The following CADM3 variants were observed in gnomAD, a reference collection of about 807,000 sequenced individuals.
The protein encoded by CADM3 is TSLC1-like 1.
In CADM3, 11 loss-of-function variants were observed where a neutral mutation model predicts 44.9. The observed-to-expected ratio is 0.25, with a 90% confidence interval of 0.15 to 0.41. The LOEUF (loss-of-function observed/expected upper bound fraction) is 0.41. Among genes scored for constraint, CADM3 ranks in the 10% least tolerant of loss-of-function variants. The pLI is 1.00. For synonymous variants in CADM3, 207 were observed against 205.2 expected, an observed-to-expected ratio of 1.01 and a Z score of -0.08; for missense variants, 426 against 512.0, an observed-to-expected ratio of 0.83 and a Z score of 1.62.
Position 159,193,482 on chromosome 1 carries a change from G to A in CADM3, c.442G>A (p.Ala148Thr). 1.2e-6 allele frequency: 2 copies of A among 1,613,248 alleles called. No individual in the cohort carries two copies. Among genetic ancestry groups the A allele is most frequent in the Non-Finnish European group, 1.7e-6 (2 of 1,179,320 alleles). The change falls in exon 4 of 9, where the codon GCC (alanine) becomes ACC (threonine). Residue 148 changes from alanine to threonine, a missense_variant. Transcript: ENST00000368125. ...ATCTTCATTACGGGAAAAAGACACA[G>A]CCACCCTAAACTGTCAGTCTTCTGG... ...YKSSLREKDTATLNCQSSGSK... is the reference protein window; with the variant it reads ...YKSSLREKDTTTLNCQSSGSK...
chr1:159,187,845 G>C (rs1005570324), intron 1 of CADM3, among the ~76,000 whole-genome samples: 1 of 152,088 alleles, frequency 6.6e-6, no homozygotes, highest in Non-Finnish European at 1.5e-5. Flanking sequence ...CATGTGCACA[G>C]AAGGTAGTAG....
chr1:159,186,647 A>G (rs780609037), intron 1 of CADM3, among the ~76,000 whole-genome samples: 1 of 152,202 alleles, frequency 6.6e-6, no homozygotes, highest in Non-Finnish European at 1.5e-5. Flanking sequence ...TAGCATTATA[A>G]TCACTCATCC....
rs1309736786 is a variant in CADM3 at position 159,171,859 on chromosome 1, T to G, written c.88+6T>G. On this transcript the variant is annotated splice_donor_region_variant and intron_variant, in intron 1 of 8. Coordinates refer to ENST00000368125, the MANE Select transcript of CADM3 (RefSeq NM_001127173.3). ...GGCCAACCTCTCCCAGGACGGTGAG[T>G]GAGGGAGGGGGCGGCGCCTGGGGAG... 1 of 1,238,654 alleles carries G rather than the reference T, an allele frequency of 8.1e-7. No homozygotes were observed. The highest frequency in any genetic ancestry group is 1.6e-5 in the African/African-American group (1 of 64,258). 76.7% of individuals were successfully genotyped at this position (1,238,654 alleles called of 1,614,324 possible). A position where few individuals can be genotyped will look rare whatever the true frequency, so the allele number is the denominator to read the frequency against.
intron 1 of CADM3, among the ~76,000 whole-genome samples, chr1:159,177,219 A>T (rs2102093391): frequency 6.6e-6 from 1 of 152,210 alleles, no homozygotes; most frequent in Admixed American, 6.5e-5. Flanking sequence ...TGACAAACTG[A>T]GTCTGGTGGT....
intron 1 of CADM3, among the ~76,000 whole-genome samples, chr1:159,174,350 G>A (rs1418371962): frequency 6.6e-6 from 1 of 152,164 alleles, no homozygotes; most frequent in African/African-American, 2.4e-5. Context: ...ACACAATCAT[G>A]GACATGTGTT....
intron 1 of CADM3, among the ~76,000 whole-genome samples, chr1:159,190,716 G>T (rs1349088682): frequency 6.6e-6 from 1 of 152,216 alleles, no homozygotes; most frequent in African/African-American, 2.4e-5. Context: ...CTTGGAAATG[G>T]AATTCCAGTA....
At chr1:159,185,083 A>G (rs1270601222) in intron 1 of CADM3, among the ~76,000 whole-genome samples, 1 of 152,218 alleles carries the variant, frequency 6.6e-6, no homozygotes, top group African/African-American at 2.4e-5. Context: ...GAGTGCTATG[A>G]AAACACAAGG....
intron 2 of CADM3, among the ~76,000 whole-genome samples, 157 bp downstream of exon 2, chr1:159,192,233 A>G (rs1649696447): frequency 1.3e-5 from 2 of 152,176 alleles, no homozygotes; most frequent in Non-Finnish European, 2.9e-5. Flanking sequence ...AACTGGTTCC[A>G]GTATTGCAGC....
chr1:159,181,716 C>A (rs1649235276), intron 1 of CADM3, among the ~76,000 whole-genome samples: 1 of 152,162 alleles, frequency 6.6e-6, no homozygotes, highest in Admixed American at 6.5e-5. Context: ...TACAGAGGGG[C>A]TTGTTTTGGT....
In CADM3 at chr1:159,201,949, A is replaced by G. The variant is rs915978660; in HGVS notation, c.*1027A>G. The G allele has an allele frequency of 6.5e-6, 1 of 153,104 alleles. No homozygotes were observed. The highest frequency in any genetic ancestry group is 2.4e-5 in the African/African-American group (1 of 41,434). The allele number at this position is 153,104 out of a possible 1,614,324, so 9.5% of individuals were successfully genotyped here. ...TTCCTGGTCCCAACGCCAGCCCTTC[A>G]TCCTTCCTCCCTCAGCAGCCAGGCA... On this transcript the variant is annotated 3_prime_UTR_variant, in exon 9 of 9. Coordinates refer to ENST00000368125, the MANE Select transcript of CADM3 (RefSeq NM_001127173.3).
chr1:159,198,298 G>A (rs1649994739), intron 7 of CADM3: 1 of 152,298 alleles, frequency 6.6e-6, no homozygotes, highest in South Asian at 2.1e-4. Flanking sequence ...TTTGGCCATG[G>A]AAACCTGTGC....
intron 1 of CADM3, among the ~76,000 whole-genome samples, chr1:159,174,559 C>G (rs905730912): frequency 6.6e-6 from 1 of 152,178 alleles, no homozygotes; most frequent in African/African-American, 2.4e-5. Flanking sequence ...GGAAAACAAA[C>G]TTAATGTGCT....
intron 1 of CADM3, among the ~76,000 whole-genome samples, chr1:159,179,105 A>C (rs1649133920): frequency 6.6e-6 from 1 of 152,168 alleles, no homozygotes; most frequent in African/African-American, 2.4e-5. Flanking sequence ...CCATCTACTC[A>C]TCTTCCTAAG....
In CADM3 at chr1:159,201,132, G is replaced by A. The variant is rs1650181021; in HGVS notation, c.*210G>A. 1 of 308,274 alleles carries A rather than the reference G, an allele frequency of 3.2e-6. No homozygotes were observed. The highest frequency in any genetic ancestry group is 5.4e-5 in the East Asian group (1 of 18,390). The allele number at this position is 308,274 out of a possible 1,614,324, so 19.1% of individuals were successfully genotyped here. ...AGGAGGGCGGGGGGAGGGGAGGGTT[G>A]CCCTCAGCCCTTTCCGTGGCTTCTC... On this transcript the variant is annotated 3_prime_UTR_variant, in exon 9 of 9. Transcript: ENST00000368125.
At position 159,196,467 on chromosome 1, in the gene CADM3, A is replaced by AT. The variant is rs757194293; in HGVS notation, c.782+16dup. ...GCGGCAATCCAGTGTAAGAAGATCC[A>AT]TTTCCTGGTCTCCTCCTTACTCTCC... On this transcript the variant is annotated intron_variant, in intron 6 of 8. Transcript: ENST00000368125. 1 of 1,609,494 alleles carries AT rather than the reference A, an allele frequency of 6.2e-7. No individual in the cohort carries two copies.
chr1:159,184,490 C>G (rs955075855), intron 1 of CADM3, among the ~76,000 whole-genome samples: 5 of 151,800 alleles, frequency 3.3e-5, no homozygotes, highest in African/African-American at 1.2e-4. Flanking sequence ...CTTTTTTTTT[C>G]TACAGTCAGG....
chr1:159,194,368 G>A (rs1649803717), intron 5 of CADM3: 2 of 207,570 alleles, frequency 9.6e-6, no homozygotes, highest in African/African-American at 2.3e-5. Context: ...GCAGGTGGCA[G>A]GATTTGGTCC....
At position 159,193,398 on chromosome 1, in the gene CADM3, C is replaced by G. The variant is rs752636089; in HGVS notation, c.383-25C>G. On this transcript the variant is annotated intron_variant, in intron 3 of 8. Transcript: ENST00000368125. Reference sequence around the variant, plus strand: ...ACCCCATGGGGCCTCTCCTTCCTATCCTGGCCATCCCCTATCCATGGCAGG... The same window carrying G: ...ACCCCATGGGGCCTCTCCTTCCTATGCTGGCCATCCCCTATCCATGGCAGG... 3.2e-5 allele frequency: 51 copies of G among 1,571,250 alleles called. No homozygotes were observed. In the Middle Eastern group the frequency reaches 1.6e-3, roughly 48 times the overall value.
At chr1:159,194,187 G>C (rs918654877) in intron 5 of CADM3, 147 bp downstream of exon 5, 3 of 844,966 alleles carry the variant, frequency 3.6e-6, no homozygotes, top group Non-Finnish European at 5.3e-6. Flanking sequence ...ACTAGGCCAG[G>C]GTTGGCAAAC....
Sources: gnomAD v4.1 joint callset for allele counts (sites outside exome capture counted in the v4.1 genomes callset) on GRCh38, gnomAD v4.1.1 for gene constraint, MANE v1.5 for transcripts, NCBI Gene and HGNC (gene_info 2026-07-23, HGNC 2026-07-21) for gene names.